ZRANB3: variants seen among roughly 807,000 people sequenced by gnomAD.
The protein encoded by ZRANB3 is DNA annealing helicase and endonuclease ZRANB3.
ZRANB3 carries 125 observed loss-of-function variants against 133.8 expected under a neutral mutation model. The ratio of observed to expected loss-of-function variants is 0.93; its 90% confidence interval spans 0.81 to 1.08. The LOEUF is 1.08. Among genes scored for constraint, ZRANB3 ranks in the 50% least tolerant of loss-of-function variants. The pLI, the probability that ZRANB3 is intolerant of heterozygous loss-of-function variation, is 0.00. For missense variants in ZRANB3, 1,229 were observed against 1,275.5 expected (o/e 0.96, Z 0.56); for synonymous variants, 387 against 432.7 (o/e 0.89, Z 1.31).
At chr2:135,278,058 A>G (rs1339153255) in intron 8 of ZRANB3, among the ~76,000 whole-genome samples, 2 of 152,154 alleles carry the variant, frequency 1.3e-5, no homozygotes, top group Non-Finnish European at 2.9e-5. Flanking sequence ...AACAAAAATC[A>G]TCAAAGAAAT....
At chr2:135,268,709 T>C (rs761328978) in intron 11 of ZRANB3, among the ~76,000 whole-genome samples, 3 of 152,118 alleles carry the variant, frequency 2.0e-5, no homozygotes, top group South Asian at 2.1e-4. Flanking sequence ...AACCCCATCA[T>C]TGTACCTCTA....
intron 3 of ZRANB3, among the ~76,000 whole-genome samples, chr2:135,378,477 G>C (rs1327593038): frequency 4.7e-5 from 7 of 148,520 alleles, no homozygotes; most frequent in Non-Finnish European, 8.8e-5. Context: ...GGGTGACAGA[G>C]TGAGACTCCA....
chr2:135,503,336 C>T (rs1239682886), intron 2 of ZRANB3, among the ~76,000 whole-genome samples: 2 of 152,134 alleles, frequency 1.3e-5, no homozygotes, highest in East Asian at 1.9e-4. Flanking sequence ...TAGATAAATA[C>T]GTGATAGACC....
intron 2 of ZRANB3, among the ~76,000 whole-genome samples, chr2:135,441,664 T>G (rs1243508682): frequency 2.0e-5 from 3 of 151,912 alleles, no homozygotes; most frequent in African/African-American, 7.2e-5. Context: ...GGGAAAGAAA[T>G]AGAGTGATAC....
At chr2:135,342,937 G>A (rs1395774829) in intron 6 of ZRANB3, among the ~76,000 whole-genome samples, 1 of 145,900 alleles carries the variant, frequency 6.9e-6, no homozygotes, top group Admixed American at 6.7e-5. Context: ...GGCTGAGGCA[G>A]GTGGATCACC....
At chr2:135,327,415 A>G (rs941764862) in intron 6 of ZRANB3, among the ~76,000 whole-genome samples, 4 of 152,210 alleles carry the variant, frequency 2.6e-5, no homozygotes, top group African/African-American at 9.6e-5. Context: ...AAGCAGCAAT[A>G]GCTATATAGA....
intron 19 of ZRANB3, among the ~76,000 whole-genome samples, chr2:135,204,482 T>A (rs113552970): frequency 6.6e-6 from 1 of 151,446 alleles, no homozygotes; most frequent in East Asian, 1.9e-4. Flanking sequence ...CTCTTCAATA[T>A]CCTAAATTTG....
chr2:135,295,969 C>G (rs1573856487), intron 8 of ZRANB3, among the ~76,000 whole-genome samples: 1 of 152,314 alleles, frequency 6.6e-6, no homozygotes, highest in African/African-American at 2.4e-5. Flanking sequence ...ATGGGCTTCC[C>G]TTTGTGAGTA....
Position 135,384,419 on chromosome 2 carries a change from T to C in ZRANB3, c.180+6383A>G, listed in dbSNP as rs190395112. Among the ~76,000 whole-genome samples, 10 of 152,032 alleles carry C rather than the reference T, an allele frequency of 6.6e-5. 1 individual carries two copies. The highest frequency in any genetic ancestry group is 3.3e-4 in the Admixed American group (5 of 15,260). The stretch of plus-strand genomic sequence containing the variant: ...CAGCCGAATTCTACCAGAGGTACAA[T>C]GAGGAGCTGGTACCATTCCTTCTGA... On this transcript the variant is annotated intron_variant, in intron 3 of 20. Transcript: ENST00000264159.
intron 2 of ZRANB3, among the ~76,000 whole-genome samples, chr2:135,495,414 C>T (rs995781530): frequency 6.6e-6 from 1 of 152,026 alleles, no homozygotes; most frequent in African/African-American, 2.4e-5. Flanking sequence ...AATGGCTACT[C>T]CATAGGCAGA....
intron 19 of ZRANB3, among the ~76,000 whole-genome samples, chr2:135,206,242 CT>C (rs765946694): frequency 3.1e-3 from 439 of 143,850 alleles, no homozygotes; most frequent in South Asian, 7.5e-3. Flanking sequence ...CTATAAAATA[CT>C]TTTTTTTTTT....
intron 12 of ZRANB3, among the ~76,000 whole-genome samples, chr2:135,236,632 C>A (rs1695298016): frequency 6.6e-6 from 1 of 152,140 alleles, no homozygotes; most frequent in African/African-American, 2.4e-5. Context: ...AGAAATAATG[C>A]CGCATATCTA....
chr2:135,386,961 G>A (rs1687012502), intron 3 of ZRANB3, among the ~76,000 whole-genome samples: 1 of 151,106 alleles, frequency 6.6e-6, no homozygotes, highest in Non-Finnish European at 1.5e-5. Flanking sequence ...TGCACGTTTT[G>A]CGCAGGTACC....
In ZRANB3 at chr2:135,345,639, T is replaced by G; in HGVS notation, c.592-4A>C. 1 of 1,590,788 alleles carries G rather than the reference T, an allele frequency of 6.3e-7. No individual in the cohort carries two copies. Among genetic ancestry groups the G allele is most frequent in the African/African-American group, 1.3e-5 (1 of 74,534 alleles). On this transcript the variant is annotated splice_polypyrimidine_tract_variant and splice_region_variant and intron_variant, in intron 5 of 20. Coordinates refer to ENST00000264159, the MANE Select transcript of ZRANB3 (RefSeq NM_032143.4). ...GAGCTTCAATCTGCATAAAAAGCTATAATAATACAAGTGTTTGTAGTATGT... is the reference window on the plus strand; with the variant it reads ...GAGCTTCAATCTGCATAAAAAGCTAGAATAATACAAGTGTTTGTAGTATGT...
At chr2:135,210,743 G>A (rs1386945085) in intron 17 of ZRANB3, among the ~76,000 whole-genome samples, 3 of 152,174 alleles carry the variant, frequency 2.0e-5, no homozygotes, top group Admixed American at 2.0e-4. Flanking sequence ...AGACCAGCCT[G>A]GCCAACATAT....
intron 12 of ZRANB3, among the ~76,000 whole-genome samples, chr2:135,249,045 T>G (rs1402599700): frequency 6.6e-6 from 1 of 152,010 alleles, no homozygotes; most frequent in African/African-American, 2.4e-5. Flanking sequence ...AAAACCACAG[T>G]GAGATACGAT....
At chr2:135,346,374 A>G (rs1310277237) in intron 5 of ZRANB3, among the ~76,000 whole-genome samples, 6 of 152,238 alleles carry the variant, frequency 3.9e-5, no homozygotes, top group African/African-American at 1.2e-4. Flanking sequence ...TGCTGGAATT[A>G]CAGGCATGAG....
intron 6 of ZRANB3, among the ~76,000 whole-genome samples, chr2:135,324,676 G>C (rs1325309383): frequency 6.6e-6 from 1 of 152,170 alleles, no homozygotes; most frequent in Non-Finnish European, 1.5e-5. Context: ...CATAATGGTT[G>C]AAACAGTTTA....
intron 5 of ZRANB3, among the ~76,000 whole-genome samples, chr2:135,346,159 T>C (rs1684912704): frequency 6.6e-6 from 1 of 152,300 alleles, no homozygotes; most frequent in South Asian, 2.1e-4. Context: ...TGCAGTGGCG[T>C]GATCTTGGCT....
Sources: gnomAD v4.1 joint callset for allele counts (sites outside exome capture counted in the v4.1 genomes callset) on GRCh38, gnomAD v4.1.1 for gene constraint, MANE v1.5 for transcripts, NCBI Gene and HGNC (gene_info 2026-07-23, HGNC 2026-07-21) for gene names.